Variants in RAB37 observed in about 807,000 individuals in gnomAD.
RAB37 encodes the protein RAB37, member RAS oncogene family.
Under a neutral mutation model 33.1 loss-of-function variants are expected in RAB37, and 29 were observed. That is an observed-to-expected ratio of 0.88 (90% confidence interval 0.65 to 1.20). The LOEUF (loss-of-function observed/expected upper bound fraction) is 1.20. Among genes scored for constraint, RAB37 ranks in the 50% most tolerant of loss-of-function variants. The pLI is 0.00. For missense variants in RAB37, 299 were observed against 301.1 expected (o/e 0.99, Z 0.05); for synonymous variants, 128 against 119.5 (o/e 1.07, Z -0.47).
rs2034382932 is a variant in RAB37 at position 74,731,412 on chromosome 17, G to A, written c.183+2046G>A. On this transcript the variant is annotated intron_variant, in intron 2 of 7. Coordinates refer to the RAB37 transcript ENST00000340415. ...TGGAGGAGCCAGAGGTGAGCAGGGT[G>A]ACTACCTCGGGCATGCCTTCACCCA... 2.0e-5 allele frequency among the ~76,000 whole-genome samples: 3 copies of A among 152,202 alleles called. No homozygotes were observed. In the South Asian group the frequency reaches 6.2e-4, roughly 31 times the overall value.
At position 74,729,627 on chromosome 17, in the gene RAB37, C is replaced by G. The variant is rs745654846; in HGVS notation, c.183+261C>G. Reference sequence around the variant, plus strand: ...CCCTCACCAGAACCCAGGGACAAAGCAGGCTGCTGGGTGAGCTGCCTGGCA... The same window carrying G: ...CCCTCACCAGAACCCAGGGACAAAGGAGGCTGCTGGGTGAGCTGCCTGGCA... On this transcript the variant is annotated intron_variant, in intron 2 of 7. Coordinates refer to the RAB37 transcript ENST00000340415. The surrounding 1 kb of genome is among the most constrained non-coding windows in gnomAD (Gnocchi z 4.2). 1.3e-4 allele frequency among the ~76,000 whole-genome samples: 20 copies of G among 151,986 alleles called. No homozygotes were observed. Among genetic ancestry groups the G allele is most frequent in the Admixed American group, 6.5e-5 (1 of 15,268 alleles).
intron 1 of RAB37, chr17:74,698,382 C>A: frequency 6.2e-7 from 1 of 1,612,904 alleles, no homozygotes; most frequent in South Asian, 1.1e-5. Flanking sequence ...TCTGCTGGTA[C>A]TTCATCATCC....
intron 1 of RAB37, among the ~76,000 whole-genome samples, chr17:74,726,355 G>A (rs200898290): frequency 6.6e-6 from 1 of 151,926 alleles, no homozygotes; most frequent in East Asian, 1.9e-4. Flanking sequence ...TCAGTGAGCT[G>A]GAAAATGTCC....
Position 74,737,477 on chromosome 17 carries a change from G to A in RAB37, c.93+112G>A. ...CAGGCAGCTGCGTCTCCCAGAGGAGGGAGGGAGAGAGGGTCAGGACACAGC... is the reference window on the plus strand; with the variant it reads ...CAGGCAGCTGCGTCTCCCAGAGGAGAGAGGGAGAGAGGGTCAGGACACAGC... On this transcript the variant is annotated intron_variant, in intron 1 of 8. Transcript: ENST00000392613. 2.4e-6 allele frequency: 3 copies of A among 1,234,044 alleles called. No individual in the cohort carries two copies. In the South Asian group the frequency reaches 4.4e-5, roughly 18 times the overall value. The allele number at this position is 1,234,044 out of a possible 1,614,324, so 76.4% of individuals were successfully genotyped here.
At chr17:74,708,787 G>A (rs931381130) in intron 1 of RAB37, among the ~76,000 whole-genome samples, 12 of 151,938 alleles carry the variant, frequency 7.9e-5, no homozygotes, top group Admixed American at 3.3e-4. Flanking sequence ...GTGGTGGCGG[G>A]CGCCTGTAGT....
chr17:74,704,483 T>G (rs998850952), intron 1 of RAB37: 1 of 1,609,454 alleles, frequency 6.2e-7, no homozygotes, highest in Middle Eastern at 1.7e-4. Flanking sequence ...CTTACCTGGG[T>G]CAATGGTCAC....
chr17:74,685,104 TA>T (rs920024515), intron 1 of RAB37, among the ~76,000 whole-genome samples: 3,383 of 138,696 alleles, frequency 0.024, 48 homozygotes, highest in African/African-American at 0.058. Context: ...CATTTTGCCT[TA>T]AAAAAAAAAA....
upstream of RAB37, chr17:74,737,205 G>C: frequency 6.5e-7 from 1 of 1,531,028 alleles, no homozygotes; most frequent in Non-Finnish European, 8.7e-7. Flanking sequence ...TGGGCGGGGC[G>C]GGGGTGGGGC....
intron 1 of RAB37, chr17:74,712,787 T>C (rs1277291968): frequency 1.2e-6 from 2 of 1,613,142 alleles, no homozygotes. Flanking sequence ...TCCTGCTTGC[T>C]AAGCTTCCCC....
chr17:74,736,862 T>A (rs545189766), upstream of RAB37: 1 of 1,520,854 alleles, frequency 6.6e-7, no homozygotes, highest in African/African-American at 1.4e-5. Flanking sequence ...CCTCGCCACC[T>A]GGGGACAGCC....
intron 1 of RAB37, chr17:74,713,002 A>G: frequency 1.1e-6 from 1 of 899,698 alleles, no homozygotes; most frequent in South Asian, 1.6e-5. Flanking sequence ...GGTGAAAGAG[A>G]CTAAAAGAGG....
At chr17:74,723,699 C>T (rs1037202459) in intron 1 of RAB37, among the ~76,000 whole-genome samples, 2 of 151,942 alleles carry the variant, frequency 1.3e-5, no homozygotes, top group African/African-American at 2.4e-5. Context: ...GTGCCTCAGC[C>T]TCCTGAGTAG....
At chr17:74,695,747 A>C (rs1021899881) in intron 1 of RAB37, 2 of 1,613,984 alleles carry the variant, frequency 1.2e-6, no homozygotes, top group Non-Finnish European at 1.7e-6. Context: ...TTCCACTTCC[A>C]CCTGGTCAAC....
At chr17:74,705,175 C>G (rs985038937) in intron 1 of RAB37, 4 of 695,286 alleles carry the variant, frequency 5.8e-6, no homozygotes, top group Non-Finnish European at 1.1e-5. Context: ...GGAGGAAATA[C>G]CAGGAGACCC....
intron 1 of RAB37, among the ~76,000 whole-genome samples, chr17:74,712,256 C>G (rs1023843000): frequency 1.3e-5 from 2 of 152,224 alleles, no homozygotes; most frequent in Non-Finnish European, 2.9e-5. Context: ...CTCCTGCCCT[C>G]TGGCTCTGCC....
At chr17:74,727,897 T>C (rs2034325382) in intron 1 of RAB37, among the ~76,000 whole-genome samples, 1 of 152,056 alleles carries the variant, frequency 6.6e-6, no homozygotes, top group Non-Finnish European at 1.5e-5. Flanking sequence ...TGTGTGTATA[T>C]CTGTGCATGT....
chr17:74,745,486 A>C lies in RAB37; in HGVS notation c.*75A>C. ...CCCCCTCCCAGGCCTGGCTTATTCC[A>C]AGAGGCTGAGCCAATGGGGAGAAAG... On this transcript the variant is annotated 3_prime_UTR_variant, in exon 9 of 9. Coordinates refer to ENST00000392613, the MANE Select transcript of RAB37 (RefSeq NM_001006638.3). This position sits in a 1 kb window ranked among gnomAD's most constrained non-coding sequence, Gnocchi z 4.5. The C allele has an allele frequency of 8.0e-7, 1 of 1,257,050 alleles. No homozygotes were observed. Among genetic ancestry groups the C allele is most frequent in the East Asian group, 2.3e-5 (1 of 42,680 alleles). The allele number at this position is 1,257,050 out of a possible 1,614,324, so 77.9% of individuals were successfully genotyped here. A position where few individuals can be genotyped will look rare whatever the true frequency, so the allele number is the denominator to read the frequency against.
chr17:74,682,692 G>A (rs2031979023), intron 1 of RAB37, among the ~76,000 whole-genome samples: 1 of 152,194 alleles, frequency 6.6e-6, no homozygotes, highest in African/African-American at 2.4e-5. Context: ...ATCACCCGAG[G>A]TCGGGAGTTC....
At chr17:74,695,841 C>T (rs1349243047) in intron 1 of RAB37, 1 of 1,613,808 alleles carries the variant, frequency 6.2e-7, no homozygotes, top group African/African-American at 1.3e-5. Context: ...CAGAGGTCGC[C>T]CTCCAGGGGC....
Sources: allele counts gnomAD v4.1 joint callset (sites outside exome capture counted in the v4.1 genomes callset), GRCh38; gene constraint gnomAD v4.1.1; non-coding constraint Gnocchi (gnomAD v3.1); transcripts MANE v1.5; gene names NCBI Gene and HGNC (gene_info 2026-07-23, HGNC 2026-07-21).